Variants in NEGR1 observed in about 807,000 individuals in gnomAD.
The protein encoded by NEGR1 is neuronal growth regulator 1, also known as IgLON family member 4.
In NEGR1, 10 loss-of-function variants were observed where a neutral mutation model predicts 40.9. The observed-to-expected ratio is 0.24, with a 90% CI of 0.15 to 0.42. NEGR1 has a LOEUF of 0.42. Ranked by LOEUF, NEGR1 falls within the 10% of genes least tolerant of loss-of-function variation. NEGR1 has a pLI of 1.00. For synonymous variants in NEGR1, 185 were observed against 166.8 expected, an observed-to-expected ratio of 1.11 and a Z score of -0.84; for missense variants, 352 against 438.9, an observed-to-expected ratio of 0.80 and a Z score of 1.77.
chr1:72,033,399 T>C (rs3102918), intron 1 of NEGR1, among the ~76,000 whole-genome samples: 81,260 of 151,906 alleles, frequency 0.53, 23,077 homozygotes, highest in African/African-American at 0.72. Context: ...GCTATTACCC[T>C]GCAATAATGG....
At chr1:72,030,451 T>C (rs1383057229) in intron 1 of NEGR1, among the ~76,000 whole-genome samples, 1 of 152,164 alleles carries the variant, frequency 6.6e-6, no homozygotes, top group Non-Finnish European at 1.5e-5. Flanking sequence ...GGTAGGCATA[T>C]TTAAAATCAA....
chr1:71,505,573 G>A (rs1215435327), intron 6 of NEGR1, among the ~76,000 whole-genome samples: 7 of 151,940 alleles, frequency 4.6e-5, no homozygotes, highest in East Asian at 3.9e-4. Context: ...GAGCCACCGC[G>A]CCCGGCCCCC....
intron 4 of NEGR1, among the ~76,000 whole-genome samples, chr1:71,693,805 A>G (rs1557616142): frequency 6.6e-6 from 1 of 151,600 alleles, no homozygotes; most frequent in Non-Finnish European, 1.5e-5. Context: ...AAGATTAGGG[A>G]ACCCCATTCA....
chr1:71,681,858 G>A (rs1932177), intron 4 of NEGR1, among the ~76,000 whole-genome samples: 47,256 of 151,856 alleles, frequency 0.31, 8,974 homozygotes, highest in East Asian at 0.47. Context: ...GCAGAGTCTC[G>A]CTCTGTCACC....
intron 1 of NEGR1, among the ~76,000 whole-genome samples, chr1:72,205,756 C>CAAAAAAA (rs35490878): frequency 6.2e-4 from 19 of 30,888 alleles, no homozygotes; most frequent in Non-Finnish European, 8.8e-4. Flanking sequence ...CCCATTTCTA[C>CAAAAAAA]AAAAAAAAAA....
intron 1 of NEGR1, among the ~76,000 whole-genome samples, chr1:72,102,301 A>C (rs1046384854): frequency 6.6e-6 from 1 of 152,102 alleles, no homozygotes; most frequent in Non-Finnish European, 1.5e-5. Context: ...ATTATACTTT[A>C]AAAATTTCAG....
rs531354238 is a variant in NEGR1, at chr1:72,234,159, C to A, written c.176+48160G>T. 7.2e-5 allele frequency among the ~76,000 whole-genome samples: 11 copies of A among 152,070 alleles called. No individual in the cohort carries two copies. The East Asian group carries it at 1.9e-3, about 27-fold the overall frequency. On this transcript the variant is annotated intron_variant, in intron 1 of 6. Transcript: ENST00000357731. ...TCAACCTCCACACTCTGATAGACACCAGTGTGTGTTGTTCTCCTCCATGCG... is the reference window on the plus strand; with the variant it reads ...TCAACCTCCACACTCTGATAGACACAAGTGTGTGTTGTTCTCCTCCATGCG...
chr1:71,828,842 T>A (rs1201536025), intron 2 of NEGR1, among the ~76,000 whole-genome samples: 1 of 151,950 alleles, frequency 6.6e-6, no homozygotes, highest in East Asian at 1.9e-4. Flanking sequence ...AGGTTTGGCT[T>A]ATGTTTTCCT....
intron 1 of NEGR1, among the ~76,000 whole-genome samples, chr1:72,155,550 C>G (rs1202021640): frequency 1.3e-5 from 2 of 152,132 alleles, no homozygotes; most frequent in East Asian, 3.9e-4. Flanking sequence ...GGCATTTTCA[C>G]TTCTCAGGTT....
intron 3 of NEGR1, among the ~76,000 whole-genome samples, chr1:71,735,395 A>G (rs1340125963): frequency 1.3e-5 from 2 of 152,102 alleles, no homozygotes; most frequent in African/African-American, 4.8e-5. Flanking sequence ...CATCACTATA[A>G]TTTTCAAAGT....
At chr1:72,207,398 T>C (rs1653448952) in intron 1 of NEGR1, among the ~76,000 whole-genome samples, 1 of 151,808 alleles carries the variant, frequency 6.6e-6, no homozygotes, top group East Asian at 1.9e-4. Flanking sequence ...TTTGAACTTC[T>C]AATTAAAATA....
At chr1:72,147,806 C>A (rs1264417871) in intron 1 of NEGR1, among the ~76,000 whole-genome samples, 2 of 152,078 alleles carry the variant, frequency 1.3e-5, no homozygotes, top group African/African-American at 4.8e-5. Context: ...ACAGGGCCCA[C>A]ACAAGTCTGA....
chr1:71,615,517 G>A (rs1650420893), intron 4 of NEGR1, among the ~76,000 whole-genome samples: 1 of 152,178 alleles, frequency 6.6e-6, no homozygotes, highest in Non-Finnish European at 1.5e-5. Context: ...GAAAGGCAAA[G>A]GTCCTGAGTG....
At chr1:71,549,257 T>C (rs1216907182) in intron 6 of NEGR1, among the ~76,000 whole-genome samples, 1 of 151,730 alleles carries the variant, frequency 6.6e-6, no homozygotes, top group Non-Finnish European at 1.5e-5. Context: ...TAACAAATGT[T>C]TATTTATTAC....
intron 1 of NEGR1, among the ~76,000 whole-genome samples, chr1:71,973,030 A>G (rs1436683097): frequency 6.6e-6 from 1 of 152,200 alleles, no homozygotes; most frequent in East Asian, 1.9e-4. Context: ...CGAAGTTTTA[A>G]AATATAAATT....
chr1:72,001,872 C>T (rs759421902), intron 1 of NEGR1, among the ~76,000 whole-genome samples: 9 of 151,974 alleles, frequency 5.9e-5, no homozygotes, highest in Admixed American at 2.0e-4. Context: ...AGTGTCATAT[C>T]AAGAAAACTA....
chr1:71,539,249 A>AT (rs1427198007), intron 6 of NEGR1, among the ~76,000 whole-genome samples: 5 of 151,788 alleles, frequency 3.3e-5, no homozygotes, highest in Admixed American at 2.6e-4. Context: ...TCTAATTGAA[A>AT]TTACTTTAAA....
At chr1:71,554,168 T>C (rs2101472491) in intron 6 of NEGR1, among the ~76,000 whole-genome samples, 1 of 151,736 alleles carries the variant, frequency 6.6e-6, no homozygotes, top group South Asian at 2.1e-4. Context: ...TAAATAAATT[T>C]ACTTAACATT....
intron 1 of NEGR1, among the ~76,000 whole-genome samples, chr1:72,239,408 TTTAC>T (rs1175383247): frequency 1.3e-5 from 2 of 151,818 alleles, no homozygotes; most frequent in Non-Finnish European, 2.9e-5. Context: ...TTGTTTGTAT[TTTAC>T]TTGTTTTGTT....
Sources: allele counts gnomAD v4.1 joint callset (sites outside exome capture counted in the v4.1 genomes callset), GRCh38; gene constraint gnomAD v4.1.1; transcripts MANE v1.5; gene names NCBI Gene and HGNC (gene_info 2026-07-23, HGNC 2026-07-21).